Variants in PSME4 observed in about 807,000 individuals in gnomAD.
PSME4 encodes the protein proteasome activator complex subunit 4.
A neutral mutation model predicts 253.9 loss-of-function variants in PSME4; 89 were observed. The observed-to-expected ratio is 0.35, with a 90% CI of 0.30 to 0.42. The LOEUF is 0.42. Ranked by LOEUF, PSME4 falls within the 10% of genes least tolerant of loss-of-function variation. PSME4 has a pLI of 1.00. For synonymous variants in PSME4, 851 were observed against 759.2 expected, an observed-to-expected ratio of 1.12 and a Z score of -1.99; for missense variants, 2,014 against 2,195.2, an observed-to-expected ratio of 0.92 and a Z score of 1.65.
chr2:53,924,426 G>T (rs986869566), intron 14 of PSME4, among the ~76,000 whole-genome samples: 2 of 152,086 alleles, frequency 1.3e-5, no homozygotes, highest in African/African-American at 4.8e-5. Flanking sequence ...CAGATAATAG[G>T]TACCACATTA....
Position 53,928,384 on chromosome 2 carries a change from TA to T in PSME4, c.1317-82del, listed in dbSNP as rs1284725616. On this transcript the variant is annotated intron_variant, in intron 10 of 46. Transcript: ENST00000404125. ...TAATACATTAAATATAATAAATTCATAAACTGCACTTTGACTTAAAGGCTTA... is the reference window on the plus strand; with the variant it reads ...TAATACATTAAATATAATAAATTCATAACTGCACTTTGACTTAAAGGCTTA... 3 of 1,124,276 alleles carry T rather than the reference TA, an allele frequency of 2.7e-6. No individual in the cohort carries two copies. The East Asian group carries it at 7.8e-5, about 29-fold the overall frequency. The allele number at this position is 1,124,276 out of a possible 1,614,324, so 69.6% of individuals were successfully genotyped here. A position where few individuals can be genotyped will look rare whatever the true frequency, so the allele number is the denominator to read the frequency against.
Position 53,908,317 on chromosome 2 carries a change from G to C in PSME4, c.2784+3C>G. On this transcript the variant is annotated splice_donor_region_variant and intron_variant, in intron 24 of 46. Coordinates refer to ENST00000404125, the MANE Select transcript of PSME4 (RefSeq NM_014614.3). Reference sequence around the variant, plus strand: ...GTGCAGACTTTTAGGTGAAAATACTGACCCGATTTTCCATTGATTTCTTTA... The same window carrying C: ...GTGCAGACTTTTAGGTGAAAATACTCACCCGATTTTCCATTGATTTCTTTA... 6.2e-7 allele frequency: 1 copy of C among 1,602,898 alleles called. No homozygotes were observed. The highest frequency in any genetic ancestry group is 8.5e-7 in the Non-Finnish European group (1 of 1,171,708).
chr2:53,923,750 C>T (rs1284918565), intron 14 of PSME4, among the ~76,000 whole-genome samples: 1 of 151,912 alleles, frequency 6.6e-6, no homozygotes, highest in African/African-American at 2.4e-5. Flanking sequence ...TGGCGAAACC[C>T]TGTCTCCACT....
chr2:53,904,788 A>G (rs1680572406), intron 26 of PSME4, among the ~76,000 whole-genome samples: 1 of 151,962 alleles, frequency 6.6e-6, no homozygotes, highest in Non-Finnish European at 1.5e-5. Context: ...CAGGAGTTAG[A>G]GACCAGCCTG....
chr2:53,924,716 T>C (rs1002543975), intron 14 of PSME4, among the ~76,000 whole-genome samples: 1 of 152,218 alleles, frequency 6.6e-6, no homozygotes, highest in Non-Finnish European at 1.5e-5. Flanking sequence ...GTTCCTGTGC[T>C]GCACCCATTA....
At chr2:53,965,705 G>C (rs1212607447) in intron 1 of PSME4, among the ~76,000 whole-genome samples, 1 of 145,426 alleles carries the variant, frequency 6.9e-6, no homozygotes, top group Non-Finnish European at 1.5e-5. Context: ...TCGCTCTGTC[G>C]CCCAGGCTGG....
intron 37 of PSME4, 78 bp downstream of exon 37, chr2:53,890,026 G>C (rs2104425481): frequency 9.0e-7 from 1 of 1,110,090 alleles, no homozygotes; most frequent in Middle Eastern, 2.0e-4. Flanking sequence ...AGTGTTATGA[G>C]ATTTCACACA....
chr2:53,878,556 C>A (rs2104416329), intron 41 of PSME4, among the ~76,000 whole-genome samples: 1 of 152,334 alleles, frequency 6.6e-6, no homozygotes, highest in East Asian at 1.9e-4. Context: ...AGAAATATCG[C>A]TGAATTCTTT....
chr2:53,941,952 T>G (rs916010805), intron 3 of PSME4, among the ~76,000 whole-genome samples: 1 of 152,140 alleles, frequency 6.6e-6, no homozygotes, highest in Non-Finnish European at 1.5e-5. Context: ...CAAAGCTACA[T>G]GTTTTCTTCA....
intron 3 of PSME4, among the ~76,000 whole-genome samples, chr2:53,943,866 AAG>A (rs1427474056): frequency 6.9e-6 from 1 of 144,244 alleles, no homozygotes; most frequent in Non-Finnish European, 1.5e-5. Flanking sequence ...AAAAAAAAAA[AAG>A]GTATAAATAA....
intron 41 of PSME4, among the ~76,000 whole-genome samples, chr2:53,884,654 T>C (rs998469073): frequency 6.6e-6 from 1 of 152,220 alleles, no homozygotes. Context: ...CTAACAATCA[T>C]TGCACATTAT....
intron 1 of PSME4, among the ~76,000 whole-genome samples, chr2:53,963,712 A>C (rs1384029770): frequency 6.6e-6 from 1 of 152,244 alleles, no homozygotes; most frequent in African/African-American, 2.4e-5. Context: ...AAAAAAATGC[A>C]AATGAAATGG....
intron 34 of PSME4, 133 bp from the exon 35 acceptor site, chr2:53,893,932 TC>T: frequency 1.5e-6 from 2 of 1,339,932 alleles, no homozygotes; most frequent in Non-Finnish European, 1.9e-6. Flanking sequence ...TTCTTAGTTC[TC>T]ATAGACTACA....
chr2:53,911,138 T>C (rs541528679), intron 20 of PSME4, among the ~76,000 whole-genome samples: 10 of 152,308 alleles, frequency 6.6e-5, no homozygotes, highest in African/African-American at 9.6e-5. Flanking sequence ...ATCTAAGTAA[T>C]AGGTAAAAAC....
At chr2:53,909,030 G>A (rs549339528) in intron 21 of PSME4, among the ~76,000 whole-genome samples, 190 bp from the exon 22 acceptor site, 38 of 151,782 alleles carry the variant, frequency 2.5e-4, no homozygotes, top group African/African-American at 8.7e-4. Context: ...TAAATGACCT[G>A]CTTATGAGAT....
intron 41 of PSME4, among the ~76,000 whole-genome samples, chr2:53,878,631 A>G (rs1163205772): frequency 4.9e-5 from 7 of 143,004 alleles, no homozygotes; most frequent in African/African-American, 1.6e-4. Flanking sequence ...TGAAATGGCC[A>G]CTTTGGGGAC....
chr2:53,939,818 A>G, intron 4 of PSME4, 138 bp downstream of exon 4: 2 of 607,016 alleles, frequency 3.3e-6, no homozygotes, highest in Middle Eastern at 2.8e-4. Context: ...TGAACTGGAA[A>G]CGGTATGTTG....
intron 21 of PSME4, 121 bp downstream of exon 21, chr2:53,909,954 A>T: frequency 1.1e-6 from 1 of 873,870 alleles, no homozygotes. Context: ...TGGGAGACAG[A>T]GTGAGACTCT....
At chr2:53,928,328 A>G (rs1199037689) in intron 10 of PSME4, 25 bp from the exon 11 acceptor site, 2 of 1,582,300 alleles carry the variant, frequency 1.3e-6, no homozygotes, top group East Asian at 4.5e-5. Context: ...CAGAATTTTT[A>G]AAGTCTCCAT....
Sources: allele counts gnomAD v4.1 joint callset (sites outside exome capture counted in the v4.1 genomes callset), GRCh38; gene constraint gnomAD v4.1.1; transcripts MANE v1.5; gene names NCBI Gene and HGNC (gene_info 2026-07-23, HGNC 2026-07-21).